Variants in TMEM132C observed in about 807,000 individuals in gnomAD.
The protein encoded by TMEM132C is protein phosphatase 1, regulatory subunit 152.
A neutral mutation model predicts 61.4 loss-of-function variants in TMEM132C; 29 were observed. The observed-to-expected ratio is 0.47, with a 90% CI of 0.35 to 0.64. TMEM132C has a LOEUF of 0.64. Ranked by LOEUF, TMEM132C falls within the 30% of genes least tolerant of loss-of-function variation. The pLI is 0.00. For missense variants in TMEM132C, 1,408 were observed against 1,476.9 expected (o/e 0.95, Z 0.76); for synonymous variants, 656 against 633.1 (o/e 1.04, Z -0.54).
intron 4 of TMEM132C, among the ~76,000 whole-genome samples, chr12:128,646,910 A>T (rs1204935555): frequency 1.4e-5 from 2 of 142,908 alleles, no homozygotes; most frequent in East Asian, 4.4e-4. Flanking sequence ...ATGTGTGTTT[A>T]CTGGAGTCCA....
intron 1 of TMEM132C, chr12:128,288,952 C>G (rs542539038): frequency 6.6e-6 from 1 of 152,364 alleles, no homozygotes; most frequent in African/African-American, 2.4e-5. Flanking sequence ...TGTGCACCGC[C>G]CCCCACACAG....
chr12:128,429,023 G>T (rs1295267490), intron 2 of TMEM132C, among the ~76,000 whole-genome samples: 3 of 152,182 alleles, frequency 2.0e-5, no homozygotes, highest in Non-Finnish European at 1.5e-5. Context: ...GCTGTGGATT[G>T]CAGCTGAAAG....
intron 4 of TMEM132C, among the ~76,000 whole-genome samples, chr12:128,623,181 A>G (rs1161868828): frequency 6.6e-6 from 1 of 152,150 alleles, no homozygotes; most frequent in Non-Finnish European, 1.5e-5. Flanking sequence ...TCAACAATCA[A>G]AAAATTTGAG....
At chr12:128,329,588 A>G (rs1295197734) in intron 1 of TMEM132C, among the ~76,000 whole-genome samples, 8 of 152,158 alleles carry the variant, frequency 5.3e-5, no homozygotes, top group African/African-American at 9.7e-5. Context: ...TTTGTGGACA[A>G]GGAGATGGTT....
At chr12:128,518,721 T>TGTGTGTGTGTGCATGTGTGTGC (rs1872800282) in intron 2 of TMEM132C, among the ~76,000 whole-genome samples, 1 of 147,498 alleles carries the variant, frequency 6.8e-6, no homozygotes, top group African/African-American at 2.7e-5. Flanking sequence ...TGTGTGAATG[T>TGTGTGTGTGTGCATGTGTGTGC]GTGTGTGTGT....
At chr12:128,514,033 C>G (rs935925567) in intron 2 of TMEM132C, among the ~76,000 whole-genome samples, 1 of 152,178 alleles carries the variant, frequency 6.6e-6, no homozygotes, top group African/African-American at 2.4e-5. Flanking sequence ...CAATGCTTGC[C>G]AGGCGGAATT....
intron 2 of TMEM132C, among the ~76,000 whole-genome samples, chr12:128,456,389 T>TAGCAAAGG (rs1870345479): frequency 6.1e-5 from 3 of 49,010 alleles, no homozygotes; most frequent in Non-Finnish European, 1.1e-4. Context: ...TTTTTTTTTT[T>TAGCAAAGG]TTTTTTTTTT....
intron 2 of TMEM132C, among the ~76,000 whole-genome samples, chr12:128,495,441 A>C (rs1193216373): frequency 1.3e-5 from 2 of 152,058 alleles, no homozygotes; most frequent in Non-Finnish European, 2.9e-5. Context: ...TGGGGTGTTG[A>C]AGTCTCTCAT....
intron 2 of TMEM132C, among the ~76,000 whole-genome samples, chr12:128,493,577 G>A (rs1380263524): frequency 2.0e-5 from 3 of 152,080 alleles, no homozygotes; most frequent in South Asian, 4.1e-4. Flanking sequence ...TCCCTTATAC[G>A]TTGGATTCCT....
At chr12:128,519,249 G>T (rs1410833042) in intron 2 of TMEM132C, among the ~76,000 whole-genome samples, 1 of 152,126 alleles carries the variant, frequency 6.6e-6, no homozygotes, top group Non-Finnish European at 1.5e-5. Flanking sequence ...TATGGATAAG[G>T]TAGCCATTCC....
intron 2 of TMEM132C, among the ~76,000 whole-genome samples, chr12:128,443,004 AG>A (rs1869850611): frequency 6.6e-6 from 1 of 152,198 alleles, no homozygotes; most frequent in African/African-American, 2.4e-5. Flanking sequence ...TCATAGGAGA[AG>A]TTTCTTGTTC....
intron 1 of TMEM132C, among the ~76,000 whole-genome samples, chr12:128,277,534 G>C (rs1592994283): frequency 6.6e-6 from 1 of 152,242 alleles, no homozygotes; most frequent in East Asian, 1.9e-4. Context: ...GGGGTTTTCT[G>C]ATGATGCAGA....
chr12:128,543,873 G>T, intron 2 of TMEM132C, 84 bp from the exon 3 acceptor site: 1 of 1,477,642 alleles, frequency 6.8e-7, no homozygotes, highest in African/African-American at 1.5e-5. Flanking sequence ...AGAAACTAAA[G>T]GTGACAACTC....
At chr12:128,482,403 G>A (rs553139050) in intron 2 of TMEM132C, among the ~76,000 whole-genome samples, 5 of 152,250 alleles carry the variant, frequency 3.3e-5, no homozygotes, top group East Asian at 1.9e-4. Flanking sequence ...TTTTTGTATC[G>A]ATGTTCATCA....
At chr12:128,351,303 G>T (rs765073039) in intron 1 of TMEM132C, among the ~76,000 whole-genome samples, 5 of 152,126 alleles carry the variant, frequency 3.3e-5, no homozygotes, top group Non-Finnish European at 5.9e-5. Context: ...ACATAGAAAG[G>T]TCTGTTGGGG....
At chr12:128,610,848 T>C (rs1186063316) in intron 3 of TMEM132C, among the ~76,000 whole-genome samples, 1 of 152,160 alleles carries the variant, frequency 6.6e-6, no homozygotes, top group Non-Finnish European at 1.5e-5. Flanking sequence ...TGTATACAAA[T>C]CTTAATGAGT....
intron 5 of TMEM132C, among the ~76,000 whole-genome samples, chr12:128,686,603 C>T (rs1347950157): frequency 6.6e-6 from 1 of 151,996 alleles, no homozygotes; most frequent in Non-Finnish European, 1.5e-5. Flanking sequence ...TGTTGAAAAA[C>T]ACAACAACAC....
chr12:128,599,987 GT>G (rs1876111862), intron 3 of TMEM132C, among the ~76,000 whole-genome samples: 1 of 151,992 alleles, frequency 6.6e-6, no homozygotes, highest in South Asian at 2.1e-4. Context: ...TTTGTTTTTT[GT>G]TTTTGTGTTT....
At chr12:128,356,015 A>T (rs1205443023) in intron 1 of TMEM132C, among the ~76,000 whole-genome samples, 1 of 152,040 alleles carries the variant, frequency 6.6e-6, no homozygotes, top group East Asian at 1.9e-4. Flanking sequence ...GTCATTGTTG[A>T]TCTCTGCTTT....
Sources: gnomAD v4.1 joint callset for allele counts (sites outside exome capture counted in the v4.1 genomes callset) on GRCh38, gnomAD v4.1.1 for gene constraint, MANE v1.5 for transcripts, NCBI Gene and HGNC (gene_info 2026-07-23, HGNC 2026-07-21) for gene names.